FAM161B: variants seen among roughly 807,000 people sequenced by gnomAD.
FAM161B encodes the protein protein FAM161B.
A neutral mutation model predicts 61.5 loss-of-function variants in FAM161B; 46 were observed. The ratio of observed to expected loss-of-function variants is 0.75; its 90% CI spans 0.59 to 0.96. FAM161B has a LOEUF of 0.96. Ranked by LOEUF, FAM161B falls within the 40% of genes least tolerant of loss-of-function variation. The probability of loss-of-function intolerance (pLI) is 0.00; values close to 1 mark genes in which losing one functional copy is unlikely to be tolerated. For synonymous variants in FAM161B, 284 were observed against 302.7 expected, an observed-to-expected ratio of 0.94 and a Z score of 0.64; for missense variants, 774 against 800.7, an observed-to-expected ratio of 0.97 and a Z score of 0.40.
At chr14:73,935,503 T>A (rs2055964044) in intron 8 of FAM161B, among the ~76,000 whole-genome samples, 1 of 148,966 alleles carries the variant, frequency 6.7e-6, no homozygotes, top group Non-Finnish European at 1.5e-5. Flanking sequence ...CACTCCAGCC[T>A]GGGCAACAGA....
rs777854798 is a variant in FAM161B at position 73,935,949 on chromosome 14, C to T, written c.1805G>A (p.Arg602Lys). 7 of 1,605,864 alleles carry T rather than the reference C, an allele frequency of 4.4e-6. No homozygotes were observed. In the Admixed American group the frequency reaches 1.0e-4, roughly 23 times the overall value. ...EKETKIKDFP[R>K]FQETTKLSIR... is the part of the protein sequence containing the mutation. ...GAATGACAGCAACATTTCAGGTTAC[C>T]TGGGAAAATCCTTGATTTTGGTCTC... The change falls in exon 8 of 9, where the codon AGG becomes AAG. Residue 602 changes from arginine (R) to lysine (K), a missense_variant and splice_region_variant. By Grantham distance (26) the Arg-to-Lys change is conservative. Coordinates refer to ENST00000286544, the MANE Select transcript of FAM161B (RefSeq NM_152445.3).
At chr14:73,931,472 C>T (rs185809344), downstream of FAM161B, 5 of 1,588,924 alleles carry the variant, frequency 3.1e-6, no homozygotes, top group African/African-American at 1.3e-5. Flanking sequence ...CAACTGTAAC[C>T]TATTCTAGAT....
chr14:73,931,474 A>C, downstream of FAM161B: 1 of 1,595,060 alleles, frequency 6.3e-7, no homozygotes, highest in Non-Finnish European at 8.6e-7. Context: ...ACTGTAACCT[A>C]TTCTAGATTT....
Position 73,944,329 on chromosome 14 carries a change from C to T in FAM161B, c.925+6G>A. On this transcript the variant is annotated splice_donor_region_variant and intron_variant, in intron 3 of 8. Transcript: ENST00000286544. ...GGAGGCAGCAAGGTGGCAAGGATGT[C>T]TTTACCCTGGAGTTTATCCCCAAGG... The T allele has an allele frequency of 1.9e-6, 3 of 1,568,812 alleles. No individual in the cohort carries two copies. The highest frequency in any genetic ancestry group is 2.6e-6 in the Non-Finnish European group (3 of 1,153,394).
downstream of FAM161B, among the ~76,000 whole-genome samples, chr14:73,926,692 C>T (rs923111151): frequency 1.3e-5 from 2 of 152,172 alleles, no homozygotes; most frequent in East Asian, 1.9e-4. Context: ...ACCTCGGCCT[C>T]CCAAAGTGCT....
rs1419422714 is a variant in FAM161B at position 73,944,195 on chromosome 14, G to T, written c.925+140C>A. The T allele has an allele frequency of 5.9e-6, 8 of 1,357,924 alleles. No individual in the cohort carries two copies. In the East Asian group the frequency reaches 1.6e-4, roughly 28 times the overall value. 84.1% of individuals were successfully genotyped at this position (1,357,924 alleles called of 1,614,324 possible). A position where few individuals can be genotyped will look rare whatever the true frequency, so the allele number is the denominator to read the frequency against. ...CAGACCTAACCCTCCCCAATGGCCT[G>T]CACTAAGCGTGCAGCCTCTAGTGGG... is the stretch of plus-strand genomic sequence containing the variant. On this transcript the variant is annotated intron_variant, in intron 3 of 8. Transcript: ENST00000286544.
chr14:73,934,718 A>G (rs1332559244), intron 8 of FAM161B, among the ~76,000 whole-genome samples: 2 of 151,750 alleles, frequency 1.3e-5, no homozygotes, highest in Non-Finnish European at 2.9e-5. Context: ...AAGTGCTGGG[A>G]TTACAGGCGT....
chr14:73,935,137 T>C (rs17094078), intron 8 of FAM161B, among the ~76,000 whole-genome samples: 4,980 of 151,808 alleles, frequency 0.033, 163 homozygotes, highest in African/African-American at 0.083. Context: ...AAAACTGAGA[T>C]AGGAATTAGG....
chr14:73,936,108 C>T lies in FAM161B; in HGVS notation c.1666-20G>A, dbSNP rs1414106319. On this transcript the variant is annotated intron_variant, in intron 7 of 8. Transcript: ENST00000286544. ...TAGATCCTGTGGGATGGAAATTAAT[C>T]TGTTGTAGCTGTCTTATGAATTACC... is the stretch of plus-strand genomic sequence containing the variant. 2 of 1,581,446 alleles carry T rather than the reference C, an allele frequency of 1.3e-6. No homozygotes were observed. The highest frequency in any genetic ancestry group is 2.3e-5 in the East Asian group (1 of 44,232).
At chr14:73,937,738 T>G in intron 6 of FAM161B, 37 bp from the exon 7 acceptor site, 1 of 1,605,818 alleles carries the variant, frequency 6.2e-7, no homozygotes, top group East Asian at 2.2e-5. Context: ...AATTTCATCT[T>G]TTCTAATCCA....
At chr14:73,923,288 G>A in the FAM161B span, 1 of 1,260,770 alleles carries the variant, frequency 7.9e-7, no homozygotes. Context: ...AGGAATGTGG[G>A]AAATAGAGGA....
intron 5 of FAM161B, among the ~76,000 whole-genome samples, chr14:73,939,225 G>A (rs765607587): frequency 1.3e-5 from 2 of 152,228 alleles, no homozygotes; most frequent in South Asian, 2.1e-4. Context: ...ACTAAACCCG[G>A]GAGGCAGAGG....
At chr14:73,922,737 C>T in the FAM161B span, 1 of 152,266 alleles carries the variant, frequency 6.6e-6, no homozygotes, top group Non-Finnish European at 1.5e-5. Flanking sequence ...TACTGTGTGC[C>T]TGGCACCATG....
At chr14:73,926,446 G>GTT in the FAM161B span, among the ~76,000 whole-genome samples, 2 of 149,362 alleles carry the variant, frequency 1.3e-5, no homozygotes. Context: ...TTTTGTTTTT[G>GTT]TTTTGAGACT....
intron 2 of FAM161B, 112 bp downstream of exon 2, chr14:73,946,174 T>C (rs575027681): frequency 8.8e-7 from 1 of 1,133,796 alleles, no homozygotes; most frequent in Non-Finnish European, 1.2e-6. Flanking sequence ...CCTCAGTAAA[T>C]GGCAACTTGC....
At chr14:73,939,434 T>C (rs966688383) in intron 5 of FAM161B, among the ~76,000 whole-genome samples, 1 of 152,230 alleles carries the variant, frequency 6.6e-6, no homozygotes, top group Non-Finnish European at 1.5e-5. Flanking sequence ...CATTTCACAT[T>C]GTCCTCATAA....
chr14:73,932,526 G>A lies in FAM161B; in HGVS notation c.*1730C>T, dbSNP rs1259617214. 2.3e-6 allele frequency: 1 copy of A among 442,398 alleles called. No homozygotes were observed. The highest frequency in any genetic ancestry group is 1.6e-5 in the South Asian group (1 of 61,452). The allele number at this position is 442,398 out of a possible 1,614,324, so 27.4% of individuals were successfully genotyped here. A position where few individuals can be genotyped will look rare whatever the true frequency, so the allele number is the denominator to read the frequency against. ...AGATACTTCTGAATTTTTCCACAAAGATAGTTTTTTTAAAAAAGCTTGAGA... is the reference window on the plus strand; with the variant it reads ...AGATACTTCTGAATTTTTCCACAAAAATAGTTTTTTTAAAAAAGCTTGAGA... On this transcript the variant is annotated 3_prime_UTR_variant, in exon 9 of 9. Coordinates refer to ENST00000286544, the MANE Select transcript of FAM161B (RefSeq NM_152445.3).
the FAM161B span, among the ~76,000 whole-genome samples, chr14:73,926,089 TTTG>T: frequency 5.3e-5 from 8 of 152,120 alleles, no homozygotes; most frequent in Non-Finnish European, 1.0e-4. Flanking sequence ...CTTTCCTCCT[TTTG>T]TTGTTGTTGC....
chr14:73,939,260 T>C (rs140895249), intron 5 of FAM161B, among the ~76,000 whole-genome samples: 62,758 of 151,818 alleles, frequency 0.41, 13,880 homozygotes, highest in South Asian at 0.5. Flanking sequence ...GATTGCGCCA[T>C]TGCACTCCAG....
Sources: allele counts gnomAD v4.1 joint callset (sites outside exome capture counted in the v4.1 genomes callset), GRCh38; gene constraint gnomAD v4.1.1; transcripts MANE v1.5; gene names NCBI Gene and HGNC (gene_info 2026-07-23, HGNC 2026-07-21).